The following ZNF320 variants were observed in gnomAD, a reference collection of about 807,000 sequenced individuals.
ZNF320 encodes zinc finger gene 320.
Under a neutral mutation model 6.8 loss-of-function variants are expected in ZNF320, and 2 were observed. The observed-to-expected ratio is 0.29, with a 90% CI of 0.12 to 0.93. The LOEUF is 0.93. Among genes scored for constraint, ZNF320 ranks in the 40% least tolerant of loss-of-function variants. The pLI is 0.55. For missense variants in ZNF320, 472 were observed against 611.0 expected, an observed-to-expected ratio of 0.77 and a Z score of 2.40; for synonymous variants, 208 against 203.2, an observed-to-expected ratio of 1.02 and a Z score of -0.20.
At chr19:52,898,913 T>G (rs541806230), upstream of ZNF320, among the ~76,000 whole-genome samples, 3 of 152,344 alleles carry the variant, frequency 2.0e-5, no homozygotes, top group East Asian at 1.9e-4. Context: ...CGGGGCTGCC[T>G]GTCTTTGGTT....
At chr19:52,889,623 C>T (rs770398584) in intron 4 of ZNF320, among the ~76,000 whole-genome samples, 22 of 152,148 alleles carry the variant, frequency 1.4e-4, no homozygotes, top group Non-Finnish European at 2.9e-4. Flanking sequence ...GCGTAATGTG[C>T]TAAGAATGGT....
At chr19:52,874,062 G>T, downstream of ZNF320, 1 of 411,690 alleles carries the variant, frequency 2.4e-6, no homozygotes, top group South Asian at 1.9e-5. Context: ...ATAAGTCTCT[G>T]GAAATCAATC....
rs767564397 is a variant in ZNF320, at chr19:52,876,285, T to C, written c.*4311A>G. 1 of 152,118 alleles carries C rather than the reference T, an allele frequency of 6.6e-6. No individual in the cohort carries two copies. The highest frequency in any genetic ancestry group is 1.5e-5 in the Non-Finnish European group (1 of 68,020). 9.4% of individuals were successfully genotyped at this position (152,118 alleles called of 1,614,324 possible). On this transcript the variant is annotated 3_prime_UTR_variant, in exon 6 of 6. Coordinates refer to ENST00000682928, the MANE Select transcript of ZNF320 (RefSeq NM_001351774.2). ...ATCATTTATCAGGTACTAGAAAATG[T>C]TTCCAATGTATGATACAGACTAGAA...
rs976440221 is a variant in ZNF320 at position 52,889,189 on chromosome 19, A to T, written c.16-936T>A. ...CAGAGTGACACTCCGTCTCAAAAAA[A>T]AAAGAAAAAAAAAGTAGCAAGTTTT... On this transcript the variant is annotated intron_variant, in intron 4 of 5. Coordinates refer to ENST00000682928, the MANE Select transcript of ZNF320 (RefSeq NM_001351774.2). 3.8e-4 allele frequency among the ~76,000 whole-genome samples: 55 copies of T among 146,544 alleles called. 1 individual carries two copies. The highest frequency in any genetic ancestry group is 1.3e-3 in the African/African-American group (51 of 40,292).
intron 5 of ZNF320, chr19:52,865,483 TAA>T (rs1324659294): frequency 2.4e-4 from 30 of 127,610 alleles, no homozygotes; most frequent in African/African-American, 8.8e-4. Flanking sequence ...CATATATATA[TAA>T]TACATATATA....
At chr19:52,898,911 C>T (rs777268576), upstream of ZNF320, among the ~76,000 whole-genome samples, 1 of 152,202 alleles carries the variant, frequency 6.6e-6, no homozygotes, top group African/African-American at 2.4e-5. Context: ...CCCGGGGCTG[C>T]CTGTCTTTGG....
chr19:52,897,241 G>A (rs1221647492), intron 1 of ZNF320, among the ~76,000 whole-genome samples: 1 of 152,236 alleles, frequency 6.6e-6, no homozygotes, highest in African/African-American at 2.4e-5. Context: ...GGCGTCTGCA[G>A]GATCTTAGGA....
chr19:52,881,949 T>C lies in ZNF320; in HGVS notation c.177A>G (p.Ser59=). 6.2e-7 allele frequency: 1 copy of C among 1,606,838 alleles called. No homozygotes were observed. Among genetic ancestry groups the C allele is most frequent in the Non-Finnish European group, 8.5e-7 (1 of 1,177,616 alleles). ...ISSKCMMNTL[S]STGQGNTEVI... is the part of the protein sequence containing the mutation. ...CTTCTGTATTGCCTTGCCCTGTTGA[T>C]GACAATGTATTCATCATGCATTTGG... The change falls in exon 6 of 6, where the codon TCA becomes TCG. Residue 59 remains serine (S), a synonymous_variant. Coordinates refer to ENST00000682928, the MANE Select transcript of ZNF320 (RefSeq NM_001351774.2).
upstream of ZNF320, chr19:52,897,654 T>C (rs1378166751): frequency 6.6e-6 from 1 of 152,210 alleles, no homozygotes; most frequent in African/African-American, 2.4e-5. Flanking sequence ...TCACGCGCTG[T>C]GGTGTGACCT....
chr19:52,865,621 ATT>A (rs199907220), intron 5 of ZNF320, among the ~76,000 whole-genome samples: 1 of 120,426 alleles, frequency 8.3e-6, no homozygotes, highest in Non-Finnish European at 1.6e-5. Context: ...ATACATATAT[ATT>A]TATATATGAT....
In ZNF320 at chr19:52,878,129, CTCATATGCAAT is replaced by C. The variant is rs371980099; in HGVS notation, c.*2456_*2466del. 593 of 210,560 alleles carry C rather than the reference CTCATATGCAAT, an allele frequency of 2.8e-3. 4 individuals carry two copies. Among genetic ancestry groups the C allele is most frequent in the Non-Finnish European group, 4.7e-3 (466 of 98,454 alleles). 13.0% of individuals were successfully genotyped at this position (210,560 alleles called of 1,614,324 possible). On this transcript the variant is annotated 3_prime_UTR_variant, in exon 6 of 6. Coordinates refer to ENST00000682928, the MANE Select transcript of ZNF320 (RefSeq NM_001351774.2). ...CAGACAGCATGAATATGTGTGCCAT[CTCATATGCAAT>C]TCCTTATAGATCCAGCTTGGCTCTT...
chr19:52,882,030 A>C, intron 5 of ZNF320, 47 bp from the exon 6 acceptor site: 1 of 1,519,164 alleles, frequency 6.6e-7, no homozygotes. Context: ...TACAGATGGT[A>C]TAAAACACTG....
Position 52,864,105 on chromosome 19 carries a change from G to A in ZNF320, c.278C>T (p.Thr93Met), listed in dbSNP as rs758592076. The A allele has an allele frequency of 1.9e-4, 67 of 351,168 alleles. 3 individuals are homozygous for A. The highest frequency in any genetic ancestry group is 5.5e-4 in the South Asian group (21 of 37,974). 21.8% of individuals were successfully genotyped at this position (351,168 alleles called of 1,614,324 possible). A position where few individuals can be genotyped will look rare whatever the true frequency, so the allele number is the denominator to read the frequency against. ...AAAGCGTTCTGTGCAGGGTCCAGGC[G>A]TTTCCACTCCAGCAAAGAGAACTCT... The change falls in exon 6 of 6, where the codon ACG becomes ATG. Residue 93 changes from threonine to methionine, a missense_variant. Physicochemically the swap from Thr to Met is moderately conservative, Grantham distance 81. Transcript: ENST00000673631.
downstream of ZNF320, among the ~76,000 whole-genome samples, chr19:52,860,037 A>T (rs11084199): frequency 1.3e-5 from 2 of 151,144 alleles, no homozygotes; most frequent in African/African-American, 4.9e-5. Context: ...CTCAGCCTCC[A>T]GAGTAGCTGG....
At chr19:52,862,425 T>C in exon 6 of ZNF320, 2 of 433,686 alleles carry the variant, frequency 4.6e-6, no homozygotes, top group Non-Finnish European at 9.4e-6. Context: ...GTCACAGGTT[T>C]TTCTCCAGTA....
At chr19:52,868,829 T>C (rs886909871) in intron 5 of ZNF320, among the ~76,000 whole-genome samples, 1 of 152,208 alleles carries the variant, frequency 6.6e-6, no homozygotes, top group Non-Finnish European at 1.5e-5. Context: ...CCATCCCTCA[T>C]GGATCATGTG....
At chr19:52,863,859 T>C (rs1373015455) in exon 6 of ZNF320, 1 of 231,530 alleles carries the variant, frequency 4.3e-6, no homozygotes, top group Non-Finnish European at 8.6e-6. Flanking sequence ...GGCAAAACCC[T>C]ATCTCCACTA....
chr19:52,891,100 G>A (rs540193693), intron 3 of ZNF320, 129 bp downstream of exon 3: 1 of 152,180 alleles, frequency 6.6e-6, no homozygotes, highest in Non-Finnish European at 1.5e-5. Context: ...AATGGGCCGA[G>A]ATCGTGCAAC....
intron 5 of ZNF320, among the ~76,000 whole-genome samples, chr19:52,868,501 TG>T (rs768191976): frequency 1.1e-4 from 17 of 148,398 alleles, no homozygotes; most frequent in Non-Finnish European, 2.5e-4. Flanking sequence ...AGCGAAACTC[TG>T]TCAAAAAAAA....
Sources: gnomAD v4.1 joint callset for allele counts (sites outside exome capture counted in the v4.1 genomes callset) on GRCh38, gnomAD v4.1.1 for gene constraint, MANE v1.5 for transcripts, NCBI Gene and HGNC (gene_info 2026-07-23, HGNC 2026-07-21) for gene names.